The following CCDC71L variants were observed in gnomAD, a reference collection of about 807,000 sequenced individuals.
CCDC71L encodes coiled-coil domain-containing protein 71L.
In CCDC71L, 6 loss-of-function variants were observed where a neutral mutation model predicts 10.2. That is an observed-to-expected ratio of 0.59 (90% CI 0.32 to 1.16). CCDC71L has a LOEUF of 1.16. Among genes scored for constraint, CCDC71L ranks in the 50% most tolerant of loss-of-function variants. CCDC71L has a pLI of 0.05. For synonymous variants in CCDC71L, 204 were observed against 175.5 expected (o/e 1.16, Z -1.28); for missense variants, 366 against 383.4 (o/e 0.95, Z 0.38).
Position 106,660,982 on chromosome 7 carries a change from T to G in CCDC71L, c.-86A>C, listed in dbSNP as rs1469502551. ...TCCGCGTTGGCTCCGCGGCGGCGGCTGCTGCTGGCGTCTCTCGCTACTTTT... is the reference window on the plus strand; with the variant it reads ...TCCGCGTTGGCTCCGCGGCGGCGGCGGCTGCTGGCGTCTCTCGCTACTTTT... On this transcript the variant is annotated 5_prime_UTR_variant, in exon 1 of 1. Coordinates refer to ENST00000523505, the MANE Select transcript of CCDC71L (RefSeq NM_175884.6). The surrounding 1 kb of genome is among the most constrained non-coding windows in gnomAD (Gnocchi z 7.5). The G allele has an allele frequency of 3.1e-6, 4 of 1,294,824 alleles. No homozygotes were observed. Among genetic ancestry groups the G allele is most frequent in the Non-Finnish European group, 3.9e-6 (4 of 1,024,060 alleles). The allele number at this position is 1,294,824 out of a possible 1,614,324, so 80.2% of individuals were successfully genotyped here.
At position 106,658,574 on chromosome 7, in the gene CCDC71L, G is replaced by C. The variant is rs1055679347; in HGVS notation, c.*1615C>G. The stretch of plus-strand genomic sequence containing the variant: ...TAGTATTAAAGATTTCACATGTCAA[G>C]TTCCAGCCCAGTATGGATCGTTTCA... On this transcript the variant is annotated 3_prime_UTR_variant, in exon 1 of 1. Coordinates refer to ENST00000523505, the MANE Select transcript of CCDC71L (RefSeq NM_175884.6). 1 of 152,528 alleles carries C rather than the reference G, an allele frequency of 6.6e-6. No individual in the cohort carries two copies. The highest frequency in any genetic ancestry group is 2.4e-5 in the African/African-American group (1 of 41,420). 9.4% of individuals were successfully genotyped at this position (152,528 alleles called of 1,614,324 possible). A position where few individuals can be genotyped will look rare whatever the true frequency, so the allele number is the denominator to read the frequency against.
rs1446491975 is a variant in CCDC71L at position 106,657,126 on chromosome 7, TG to T, written c.*3062del. The T allele has an allele frequency of 4.6e-5, 7 of 152,328 alleles. No individual in the cohort carries two copies. Among genetic ancestry groups the T allele is most frequent in the African/African-American group, 1.7e-4 (7 of 41,570 alleles). The allele number at this position is 152,328 out of a possible 1,614,324, so 9.4% of individuals were successfully genotyped here. A position where few individuals can be genotyped will look rare whatever the true frequency, so the allele number is the denominator to read the frequency against. On this transcript the variant is annotated 3_prime_UTR_variant, in exon 1 of 1. Transcript: ENST00000523505. Reference sequence around the variant, plus strand: ...CATTTGCACACAGCAGATCAATAGGTGTCAGTCACCAGCTTAAGTTACACTT... The same window carrying T: ...CATTTGCACACAGCAGATCAATAGGTTCAGTCACCAGCTTAAGTTACACTT...
Position 106,655,616 on chromosome 7 carries a change from A to C in CCDC71L, c.*4573T>G, listed in dbSNP as rs575260025. Among the ~76,000 whole-genome samples the C allele has an allele frequency of 1.3e-5, 2 of 152,344 alleles. No homozygotes were observed. The highest frequency in any genetic ancestry group is 4.8e-5 in the African/African-American group (2 of 41,590). ...AACTTTTGTAAGTTCTTGGATCAACAGCTTTAAATCTATTACTGTTATAAA... is the reference window on the plus strand; with the variant it reads ...AACTTTTGTAAGTTCTTGGATCAACCGCTTTAAATCTATTACTGTTATAAA... On this transcript the variant is annotated 3_prime_UTR_variant, in exon 1 of 1. Transcript: ENST00000523505.
At position 106,656,920 on chromosome 7, in the gene CCDC71L, T is replaced by C. The variant is rs1386684332; in HGVS notation, c.*3269A>G. ...CTAATGCGCTTAAGACATAACACTC[T>C]ATCAAAAAATATTTTAAACACACCA... On this transcript the variant is annotated 3_prime_UTR_variant, in exon 1 of 1. Transcript: ENST00000523505. The C allele has an allele frequency of 6.6e-6, 1 of 152,220 alleles. No homozygotes were observed. Among genetic ancestry groups the C allele is most frequent in the Admixed American group, 6.5e-5 (1 of 15,276 alleles). The allele number at this position is 152,220 out of a possible 1,614,324, so 9.4% of individuals were successfully genotyped here. A position where few individuals can be genotyped will look rare whatever the true frequency, so the allele number is the denominator to read the frequency against.
At position 106,658,976 on chromosome 7, in the gene CCDC71L, A is replaced by T. The variant is rs1327705336; in HGVS notation, c.*1213T>A. The T allele has an allele frequency of 6.6e-6, 1 of 152,180 alleles. No homozygotes were observed. Among genetic ancestry groups the T allele is most frequent in the African/African-American group, 2.4e-5 (1 of 41,440 alleles). 9.4% of individuals were successfully genotyped at this position (152,180 alleles called of 1,614,324 possible). A position where few individuals can be genotyped will look rare whatever the true frequency, so the allele number is the denominator to read the frequency against. Reference sequence around the variant, plus strand: ...AAAACTGATGAATATTAGTCTAGACATTTCTTGTTATCCAACAACAAAAAC... The same window carrying T: ...AAAACTGATGAATATTAGTCTAGACTTTTCTTGTTATCCAACAACAAAAAC... On this transcript the variant is annotated 3_prime_UTR_variant, in exon 1 of 1. Transcript: ENST00000523505.
Position 106,660,252 on chromosome 7 carries a change from C to G in CCDC71L, c.645G>C (p.Gln215His), listed in dbSNP as rs1792565914. Residue 215 changes from glutamine (Q) to histidine (H), a missense_variant, in exon 1 of 1, where the codon CAG becomes CAC. Gln to His is a conservative substitution (Grantham distance 24, BLOSUM62 0). Transcript: ENST00000523505. The surrounding 1 kb of genome is among the most constrained non-coding windows in gnomAD (Gnocchi z 7.5). ...SLAAARRRAR[Q>H]VLRVNLEPMV... ...TGGGTTCCAGGTTCACTCGCAGGAC[C>G]TGGCGCGCCCTGCGCCGCGCTGCCG... 1.3e-6 allele frequency: 2 copies of G among 1,574,576 alleles called. No homozygotes were observed. Among genetic ancestry groups the G allele is most frequent in the Middle Eastern group, 2.2e-4 (1 of 4,578 alleles).
chr7:106,659,969 A>C lies in CCDC71L; in HGVS notation c.*220T>G. 37 of 540,204 alleles carry C rather than the reference A, an allele frequency of 6.8e-5. No homozygotes were observed. Among genetic ancestry groups the C allele is most frequent in the Non-Finnish European group, 8.9e-5 (29 of 327,322 alleles). 33.5% of individuals were successfully genotyped at this position (540,204 alleles called of 1,614,324 possible). A position where few individuals can be genotyped will look rare whatever the true frequency, so the allele number is the denominator to read the frequency against. On this transcript the variant is annotated 3_prime_UTR_variant, in exon 1 of 1. Coordinates refer to ENST00000523505, the MANE Select transcript of CCDC71L (RefSeq NM_175884.6). ...TGTCCCCTCCCTCCGCAGGCCGGGTACGGGAGGCAGCAGAGGGCACACCTG... is the reference window on the plus strand; with the variant it reads ...TGTCCCCTCCCTCCGCAGGCCGGGTCCGGGAGGCAGCAGAGGGCACACCTG...
At position 106,660,467 on chromosome 7, in the gene CCDC71L, T is replaced by G. The variant is rs751704927; in HGVS notation, c.430A>C (p.Arg144=). The change falls in exon 1 of 1, where the codon AGG becomes CGG. Residue 144 remains arginine, a synonymous_variant. Transcript: ENST00000523505. This position sits in a 1 kb window ranked among gnomAD's most constrained non-coding sequence, Gnocchi z 7.5. ...GGGGGTGGCGGCCGGGGCTTCCTCC[T>G]GCGGGCAGCGGCCGCCCGGGCTCCG... ...RRGARAAAAR[R]RKPRPPPPPP... 2,076 of 1,226,822 alleles carry G rather than the reference T, an allele frequency of 1.7e-3. 44 individuals carry two copies. Among genetic ancestry groups the G allele is most frequent in the East Asian group, 3.6e-4 (11 of 30,640 alleles). 76.0% of individuals were successfully genotyped at this position (1,226,822 alleles called of 1,614,324 possible). A position where few individuals can be genotyped will look rare whatever the true frequency, so the allele number is the denominator to read the frequency against.
rs1237011087 is a variant in CCDC71L at position 106,659,818 on chromosome 7, T to C, written c.*371A>G. On this transcript the variant is annotated 3_prime_UTR_variant, in exon 1 of 1. Coordinates refer to ENST00000523505, the MANE Select transcript of CCDC71L (RefSeq NM_175884.6). ...AAACCAAATTCCTTTGGAAAAATAA[T>C]GTCTTCGGAGGACTTCCAGACCAGT... 1 of 206,582 alleles carries C rather than the reference T, an allele frequency of 4.8e-6. No homozygotes were observed. The highest frequency in any genetic ancestry group is 2.3e-5 in the African/African-American group (1 of 43,678). 12.8% of individuals were successfully genotyped at this position (206,582 alleles called of 1,614,324 possible).
rs779557056 is a variant in CCDC71L at position 106,660,675 on chromosome 7, G to T, written c.222C>A (p.Asp74Glu). The T allele has an allele frequency of 5.7e-6, 9 of 1,586,552 alleles. No homozygotes were observed. Among genetic ancestry groups the T allele is most frequent in the Non-Finnish European group, 7.7e-6 (9 of 1,166,454 alleles). Reference protein sequence around the residue: ...MPRSTEFMSSDAELWSFLCSL... With the variant: ...MPRSTEFMSSEAELWSFLCSL... ...TGCAGAGGAAGCTCCAGAGCTCCGC[G>T]TCCGAGCTCATGAACTCCGTGCTGC... Residue 74 changes from aspartate (D) to glutamate (E), a missense_variant, in exon 1 of 1, where the codon GAC becomes GAA. Asp to Glu is a conservative substitution (Grantham distance 45). Coordinates refer to ENST00000523505, the MANE Select transcript of CCDC71L (RefSeq NM_175884.6). The surrounding 1 kb of genome is among the most constrained non-coding windows in gnomAD (Gnocchi z 7.5).
In CCDC71L at chr7:106,660,905, G is replaced by A. The variant is rs1278065884; in HGVS notation, c.-9C>T. 3 of 1,365,770 alleles carry A rather than the reference G, an allele frequency of 2.2e-6. No homozygotes were observed. Among genetic ancestry groups the A allele is most frequent in the South Asian group, 3.5e-5 (2 of 57,382 alleles). The allele number at this position is 1,365,770 out of a possible 1,614,324, so 84.6% of individuals were successfully genotyped here. ...TTCATACTGCGCCGCATCGAAGGCC[G>A]CTCCGGGCCACTCACGCTCGCCGGG... On this transcript the variant is annotated 5_prime_UTR_variant, in exon 1 of 1. Transcript: ENST00000523505. This position sits in a 1 kb window ranked among gnomAD's most constrained non-coding sequence, Gnocchi z 7.5.
Position 106,660,978 on chromosome 7 carries a change from C to T in CCDC71L, c.-82G>A, listed in dbSNP as rs935303537. The T allele has an allele frequency of 5.4e-6, 7 of 1,294,036 alleles. No homozygotes were observed. The Admixed American group carries it at 1.3e-4, about 23-fold the overall frequency. The allele number at this position is 1,294,036 out of a possible 1,614,324, so 80.2% of individuals were successfully genotyped here. A position where few individuals can be genotyped will look rare whatever the true frequency, so the allele number is the denominator to read the frequency against. On this transcript the variant is annotated 5_prime_UTR_variant, in exon 1 of 1. Transcript: ENST00000523505. The surrounding 1 kb of genome is among the most constrained non-coding windows in gnomAD (Gnocchi z 7.5). ...CCAGTCCGCGTTGGCTCCGCGGCGG[C>T]GGCTGCTGCTGGCGTCTCTCGCTAC...
rs758502231 is a variant in CCDC71L at position 106,660,277 on chromosome 7, G to A, written c.620C>T (p.Ala207Val). 1.9e-6 allele frequency: 3 copies of A among 1,566,918 alleles called. No homozygotes were observed. The highest frequency in any genetic ancestry group is 1.4e-5 in the African/African-American group (1 of 71,424). Reference sequence around the variant, plus strand: ...CTGGCGCGCCCTGCGCCGCGCTGCCGCCAGGCTGCGCTCGCCCCACACGTC... The same window carrying A: ...CTGGCGCGCCCTGCGCCGCGCTGCCACCAGGCTGCGCTCGCCCCACACGTC... Reference protein sequence around the residue: ...GSDVWGERSLAAARRRARQVL... With the variant: ...GSDVWGERSLVAARRRARQVL... Residue 207 changes from alanine to valine, a missense_variant, in exon 1 of 1, where the codon GCG (alanine) becomes GTG (valine). Transcript: ENST00000523505. The surrounding 1 kb of genome is among the most constrained non-coding windows in gnomAD (Gnocchi z 7.5).
Position 106,656,469 on chromosome 7 carries a change from G to A in CCDC71L, c.*3720C>T, listed in dbSNP as rs150123439. 4.6e-3 allele frequency among the ~76,000 whole-genome samples: 707 copies of A among 152,104 alleles called. 5 individuals are homozygous for A. The highest frequency in any genetic ancestry group is 7.8e-3 in the Non-Finnish European group (532 of 67,980). On this transcript the variant is annotated 3_prime_UTR_variant, in exon 1 of 1. Transcript: ENST00000523505. The stretch of plus-strand genomic sequence containing the variant: ...TCGTCACAGGGGCACCTCGGGTCAG[G>A]ATTTAGAGAATTCTGAATTTTGATG...
Position 106,655,409 on chromosome 7 carries a change from AT to A in CCDC71L, c.*4779del, listed in dbSNP as rs550203707. On this transcript the variant is annotated 3_prime_UTR_variant, in exon 1 of 1. Coordinates refer to ENST00000523505, the MANE Select transcript of CCDC71L (RefSeq NM_175884.6). Reference sequence around the variant, plus strand: ...AGTGTGTCAATGCTTCAAATACAAGATTTTTTTTACTTTCAGTAATAATTTT... The same window carrying A: ...AGTGTGTCAATGCTTCAAATACAAGATTTTTTTACTTTCAGTAATAATTTT... 6.6e-6 allele frequency among the ~76,000 whole-genome samples: 1 copy of A among 152,048 alleles called. No individual in the cohort carries two copies. Among genetic ancestry groups the A allele is most frequent in the African/African-American group, 2.4e-5 (1 of 41,384 alleles).
In CCDC71L at chr7:106,661,039, G is replaced by T; in HGVS notation, c.-143C>A. ...TCCGCCGCCGCCCCTCCCCCTCCGA[G>T]GGCGGAGGACGCGGGCGAATATCCT... On this transcript the variant is annotated 5_prime_UTR_variant, in exon 1 of 1. Coordinates refer to ENST00000523505, the MANE Select transcript of CCDC71L (RefSeq NM_175884.6). The T allele has an allele frequency of 1.7e-6, 2 of 1,199,734 alleles. No individual in the cohort carries two copies. The allele number at this position is 1,199,734 out of a possible 1,614,324, so 74.3% of individuals were successfully genotyped here.
At position 106,658,704 on chromosome 7, in the gene CCDC71L, A is replaced by T. The variant is rs1792532465; in HGVS notation, c.*1485T>A. 1 of 152,606 alleles carries T rather than the reference A, an allele frequency of 6.6e-6. No homozygotes were observed. 9.5% of individuals were successfully genotyped at this position (152,606 alleles called of 1,614,324 possible). A position where few individuals can be genotyped will look rare whatever the true frequency, so the allele number is the denominator to read the frequency against. ...GTGGCACTGCTGGCTAAAAACTATT[A>T]AGTTTTCCTGCCACAAATGACCAAA... On this transcript the variant is annotated 3_prime_UTR_variant, in exon 1 of 1. Coordinates refer to ENST00000523505, the MANE Select transcript of CCDC71L (RefSeq NM_175884.6).
rs1208061225 is a variant in CCDC71L at position 106,660,216 on chromosome 7, G to A, written c.681C>T (p.Leu227=). ...LRVNLEPMVR[L]RRFPVPRA ...ATGCCCGGGGCACCGGGAAGCGGCG[G>A]AGCCTCACCATGGGTTCCAGGTTCA... The change falls in exon 1 of 1, where the codon CTC becomes CTT. Residue 227 remains leucine (L), a synonymous_variant. Coordinates refer to ENST00000523505, the MANE Select transcript of CCDC71L (RefSeq NM_175884.6). The surrounding 1 kb of genome is among the most constrained non-coding windows in gnomAD (Gnocchi z 7.5). The A allele has an allele frequency of 1.1e-5, 17 of 1,573,174 alleles. No individual in the cohort carries two copies. Among genetic ancestry groups the A allele is most frequent in the Non-Finnish European group, 1.5e-5 (17 of 1,169,578 alleles).
rs1446844288 is a variant in CCDC71L at position 106,656,576 on chromosome 7, G to C, written c.*3613C>G. ...GTAGCGCCATCCTAAAAATTCGCTA[G>C]ATAATTAAAGAATTGATGGAACACA... On this transcript the variant is annotated 3_prime_UTR_variant, in exon 1 of 1. Coordinates refer to ENST00000523505, the MANE Select transcript of CCDC71L (RefSeq NM_175884.6). Among the ~76,000 whole-genome samples the C allele has an allele frequency of 6.6e-6, 1 of 151,694 alleles. No homozygotes were observed. The highest frequency in any genetic ancestry group is 1.5e-5 in the Non-Finnish European group (1 of 67,942).
Sources: allele counts gnomAD v4.1 joint callset (sites outside exome capture counted in the v4.1 genomes callset), GRCh38; gene constraint gnomAD v4.1.1; non-coding constraint Gnocchi (gnomAD v3.1); transcripts MANE v1.5; gene names NCBI Gene and HGNC (gene_info 2026-07-23, HGNC 2026-07-21).